ENPP4: variants seen among roughly 807,000 people sequenced by gnomAD.
ENPP4 encodes ectonucleotide pyrophosphatase/phosphodiesterase 4.
A neutral mutation model predicts 33.4 loss-of-function variants in ENPP4; 18 were observed. The observed-to-expected ratio is 0.54, with a 90% CI of 0.37 to 0.80. The LOEUF (loss-of-function observed/expected upper bound fraction) is 0.80, where lower values mean the gene tolerates loss of function less well. ENPP4 is among the 30% of genes least tolerant of loss of function. The pLI is 0.00. For synonymous variants in ENPP4, 172 were observed against 189.9 expected, an observed-to-expected ratio of 0.91 and a Z score of 0.78; for missense variants, 480 against 541.7, an observed-to-expected ratio of 0.89 and a Z score of 1.13.
chr6:46,145,250 A>C lies in ENPP4; in HGVS notation c.*1610A>C. On this transcript the variant is annotated 3_prime_UTR_variant, in exon 4 of 4. Coordinates refer to ENST00000321037, the MANE Select transcript of ENPP4 (RefSeq NM_014936.5). ...CAGTGCGTCCTATTGAGTCACTGCTAATTTCTTGAGCCTGGTATTTGCTGC... is the reference window on the plus strand; with the variant it reads ...CAGTGCGTCCTATTGAGTCACTGCTCATTTCTTGAGCCTGGTATTTGCTGC... 3.7e-6 allele frequency: 1 copy of C among 268,312 alleles called. No individual in the cohort carries two copies. The highest frequency in any genetic ancestry group is 6.9e-6 in the Non-Finnish European group (1 of 143,940). The allele number at this position is 268,312 out of a possible 1,614,324, so 16.6% of individuals were successfully genotyped here.
intron 2 of ENPP4, among the ~76,000 whole-genome samples, chr6:46,140,785 T>G (rs940807249): frequency 1.3e-5 from 2 of 151,634 alleles, no homozygotes; most frequent in African/African-American, 4.8e-5. Context: ...TATGTTTACT[T>G]AGGAAGATAC....
At chr6:46,133,001 G>T (rs553134132) in intron 1 of ENPP4, among the ~76,000 whole-genome samples, 11 of 152,060 alleles carry the variant, frequency 7.2e-5, no homozygotes, top group Non-Finnish European at 1.5e-4. Flanking sequence ...CATTGATTTT[G>T]TATCCTGAGA....
At chr6:46,131,937 T>C (rs1763908006) in intron 1 of ENPP4, among the ~76,000 whole-genome samples, 1 of 152,092 alleles carries the variant, frequency 6.6e-6, no homozygotes, top group African/African-American at 2.4e-5. Flanking sequence ...CATGTGTTTT[T>C]TGGCTGCATA....
rs1764118187 is a variant in ENPP4 at position 46,144,662 on chromosome 6, T to G, written c.*1022T>G. ...AGGTATCCAAATGCTACAGAAAAAT[T>G]TATGACCCAAATACAAATCTCAATT... On this transcript the variant is annotated 3_prime_UTR_variant, in exon 4 of 4. Coordinates refer to ENST00000321037, the MANE Select transcript of ENPP4 (RefSeq NM_014936.5). 1 of 307,350 alleles carries G rather than the reference T, an allele frequency of 3.3e-6. No homozygotes were observed. The highest frequency in any genetic ancestry group is 2.1e-5 in the African/African-American group (1 of 46,604). The allele number at this position is 307,350 out of a possible 1,614,324, so 19.0% of individuals were successfully genotyped here.
intron 1 of ENPP4, among the ~76,000 whole-genome samples, chr6:46,135,782 T>G (rs2127492122): frequency 6.6e-6 from 1 of 152,184 alleles, no homozygotes; most frequent in Non-Finnish European, 1.5e-5. Flanking sequence ...ACATTTTCTT[T>G]TAAGAGTTTT....
At chr6:46,141,315 A>G (rs1764059925) in intron 3 of ENPP4, 93 bp downstream of exon 3, 1 of 857,494 alleles carries the variant, frequency 1.2e-6, no homozygotes, top group Non-Finnish European at 1.8e-6. Context: ...GATTTAAAGA[A>G]GTTCACACAG....
At position 46,143,661 on chromosome 6, in the gene ENPP4, A is replaced by G; in HGVS notation, c.*21A>G. 6.3e-7 allele frequency: 1 copy of G among 1,575,462 alleles called. No homozygotes were observed. The highest frequency in any genetic ancestry group is 8.6e-7 in the Non-Finnish European group (1 of 1,159,264). ...GGTGACATGTGCTAGGGCTTATACAAAGTGTCTTTGATTAATCACAAAACT... is the reference window on the plus strand; with the variant it reads ...GGTGACATGTGCTAGGGCTTATACAGAGTGTCTTTGATTAATCACAAAACT... On this transcript the variant is annotated 3_prime_UTR_variant, in exon 4 of 4. Transcript: ENST00000321037.
At chr6:46,142,573 AAACATACCACCAAAGAATAATAT>A (rs1764083144) in intron 3 of ENPP4, among the ~76,000 whole-genome samples, 2 of 150,562 alleles carry the variant, frequency 1.3e-5, no homozygotes, top group Non-Finnish European at 3.0e-5. Context: ...GAAATATTTC[AAACATACCACCAAAGAATAATAT>A]AACAAATATC....
rs202171749 is a variant in ENPP4 at position 46,140,578 on chromosome 6, CTATGGTTTAGTTA to C, written c.826+175_826+187del. On this transcript the variant is annotated intron_variant, in intron 2 of 3. Transcript: ENST00000321037. ...TGTTTACAAGTTGAGAGCAGTTGGC[CTATGGTTTAGTTA>C]TATGGCTTATGGTTTAGTTTCAAAG... is the stretch of plus-strand genomic sequence containing the variant. Among the ~76,000 whole-genome samples, 565 of 151,552 alleles carry C rather than the reference CTATGGTTTAGTTA, an allele frequency of 3.7e-3. 3 individuals carry two copies. The highest frequency in any genetic ancestry group is 0.012 in the African/African-American group (517 of 41,386).
In ENPP4 at chr6:46,143,339, C is replaced by G; in HGVS notation, c.1061C>G (p.Pro354Arg). The change falls in exon 4 of 4, where the codon CCT becomes CGT. Residue 354 changes from proline (P) to arginine (R), a missense_variant. Pro to Arg is a moderately radical substitution (Grantham distance 103). This residue lies in a region of ENPP4 where 249 missense variants were observed against 251.8 expected (regional missense o/e 0.99). Transcript: ENST00000321037. ...SMHPFLAAHG[P>R]AFHKGYKHST... ...CATCCATTTCTAGCTGCCCACGGAC[C>G]TGCATTTCACAAAGGCTACAAGCAT... The G allele has an allele frequency of 6.2e-7, 1 of 1,610,358 alleles. No individual in the cohort carries two copies. Among genetic ancestry groups the G allele is most frequent in the Non-Finnish European group, 8.5e-7 (1 of 1,177,216 alleles).
At chr6:46,138,548 C>G (rs1478006831) in intron 1 of ENPP4, among the ~76,000 whole-genome samples, 1 of 151,822 alleles carries the variant, frequency 6.6e-6, no homozygotes, top group East Asian at 1.9e-4. Flanking sequence ...CCATTCTACT[C>G]CCTGTCAATA....
chr6:46,142,127 T>C (rs1431802055), intron 3 of ENPP4, among the ~76,000 whole-genome samples: 2 of 151,250 alleles, frequency 1.3e-5, no homozygotes, highest in Non-Finnish European at 3.0e-5. Flanking sequence ...TCAATGAAGT[T>C]TGTATATTAT....
Position 46,145,184 on chromosome 6 carries a change from G to T in ENPP4, c.*1544G>T, listed in dbSNP as rs1357483546. On this transcript the variant is annotated 3_prime_UTR_variant, in exon 4 of 4. Coordinates refer to ENST00000321037, the MANE Select transcript of ENPP4 (RefSeq NM_014936.5). ...CAGCCCAGTTAAATATTGATTATCT[G>T]TGATGGTAAAGAACAACAGTGGTGC... 1 of 349,396 alleles carries T rather than the reference G, an allele frequency of 2.9e-6. No individual in the cohort carries two copies. The highest frequency in any genetic ancestry group is 5.1e-6 in the Non-Finnish European group (1 of 195,186). 21.6% of individuals were successfully genotyped at this position (349,396 alleles called of 1,614,324 possible).
Position 46,139,709 on chromosome 6 carries a change from G to A in ENPP4, c.126G>A (p.Lys42=). ...SFDGFRADYL[K]NYEFPHLQNF... ...ATGGCTTCAGAGCTGATTATCTGAA[G>A]AACTATGAATTTCCTCATCTCCAGA... Residue 42 remains lysine (K), a synonymous_variant, in exon 2 of 4, where the codon AAG becomes AAA. Coordinates refer to ENST00000321037, the MANE Select transcript of ENPP4 (RefSeq NM_014936.5). 1 of 1,611,388 alleles carries A rather than the reference G, an allele frequency of 6.2e-7. No individual in the cohort carries two copies. Among genetic ancestry groups the A allele is most frequent in the Non-Finnish European group, 8.5e-7 (1 of 1,178,294 alleles).
At chr6:46,141,555 T>C (rs968451877) in intron 3 of ENPP4, among the ~76,000 whole-genome samples, 22 of 151,836 alleles carry the variant, frequency 1.4e-4, no homozygotes, top group Non-Finnish European at 3.0e-4. Context: ...TAGCTAATCC[T>C]TGTTCTTTTG....
chr6:46,139,411 T>C (rs1764021982), intron 1 of ENPP4, 140 bp from the exon 2 acceptor site: 2 of 521,924 alleles, frequency 3.8e-6, no homozygotes, highest in Non-Finnish European at 6.7e-6. Context: ...TAGTTATTTT[T>C]AAATAAATGG....
chr6:46,139,912 C>T lies in ENPP4; in HGVS notation c.329C>T (p.Pro110Leu), dbSNP rs767274074. ...TTTTCTGACTCTAATGACAAGGATC[C>T]TTTTTGGTGGAATGAGGCAGTACCT... Reference protein sequence around the residue: ...KHFSDSNDKDPFWWNEAVPIW... With the variant: ...KHFSDSNDKDLFWWNEAVPIW... The change falls in exon 2 of 4, where the codon CCT (proline) becomes CTT (leucine). Residue 110 changes from proline (P) to leucine (L), a missense_variant. Around this residue, in one of 3 missense-constraint regions of ENPP4, gnomAD observed 227 missense variants for 273.7 expected, o/e 0.83. Transcript: ENST00000321037. The T allele has an allele frequency of 1.2e-6, 2 of 1,612,728 alleles. No homozygotes were observed. Among genetic ancestry groups the T allele is most frequent in the Admixed American group, 1.7e-5 (1 of 59,862 alleles).
At position 46,145,411 on chromosome 6, in the gene ENPP4, T is replaced by C. The variant is rs192760038; in HGVS notation, c.*1771T>C. Reference sequence around the variant, plus strand: ...GTACTAATTTTGCTTTAAAAAAATTTCTAATTTTTTTCACATAAAACAATT... The same window carrying C: ...GTACTAATTTTGCTTTAAAAAAATTCCTAATTTTTTTCACATAAAACAATT... On this transcript the variant is annotated 3_prime_UTR_variant, in exon 4 of 4. Transcript: ENST00000321037. The C allele has an allele frequency of 6.6e-6, 1 of 152,652 alleles. No homozygotes were observed. Among genetic ancestry groups the C allele is most frequent in the Admixed American group, 6.6e-5 (1 of 15,242 alleles). The allele number at this position is 152,652 out of a possible 1,614,324, so 9.5% of individuals were successfully genotyped here.
At chr6:46,137,036 A>G (rs1416320019) in intron 1 of ENPP4, among the ~76,000 whole-genome samples, 1 of 151,878 alleles carries the variant, frequency 6.6e-6, no homozygotes, top group Admixed American at 6.6e-5. Context: ...CTGGCAACTG[A>G]TCATATACTC....
Sources: allele counts gnomAD v4.1 joint callset (sites outside exome capture counted in the v4.1 genomes callset), GRCh38; gene constraint gnomAD v4.1.1; regional missense constraint gnomAD v4.1.1; transcripts MANE v1.5; gene names NCBI Gene and HGNC (gene_info 2026-07-23, HGNC 2026-07-21).